Variants in EXT2 observed in about 807,000 individuals in gnomAD.
The protein encoded by EXT2 is exostosin-2.
In EXT2, 53 loss-of-function variants were observed where a neutral mutation model predicts 81.6. The observed-to-expected ratio is 0.65, with a 90% CI of 0.52 to 0.82. EXT2 has a LOEUF of 0.82. Among genes scored for constraint, EXT2 ranks in the 40% least tolerant of loss-of-function variants. EXT2 has a pLI of 0.00. For missense variants in EXT2, 774 were observed against 910.2 expected (o/e 0.85, Z 1.93); for synonymous variants, 320 against 340.0 (o/e 0.94, Z 0.65).
intron 3 of EXT2, among the ~76,000 whole-genome samples, chr11:44,110,479 T>G (rs1194378079): frequency 1.3e-5 from 2 of 152,180 alleles, no homozygotes; most frequent in Non-Finnish European, 2.9e-5. Context: ...AGAGAAGGTG[T>G]GCCTGTTCCT....
intron 4 of EXT2, among the ~76,000 whole-genome samples, chr11:44,121,978 C>G (rs1175661443): frequency 1.3e-5 from 2 of 152,146 alleles, no homozygotes; most frequent in African/African-American, 4.8e-5. Context: ...CTTCCCCACC[C>G]GACCATGCAG....
At chr11:44,188,624 A>C (rs1280051756) in intron 8 of EXT2, among the ~76,000 whole-genome samples, 1 of 152,222 alleles carries the variant, frequency 6.6e-6, no homozygotes, top group Non-Finnish European at 1.5e-5. Flanking sequence ...GTCTGAGGAC[A>C]ATTAGCAGCT....
At chr11:44,118,505 A>G (rs1954255186) in intron 4 of EXT2, among the ~76,000 whole-genome samples, 1 of 152,192 alleles carries the variant, frequency 6.6e-6, no homozygotes, top group Admixed American at 6.5e-5. Context: ...ACTGCTTTAT[A>G]TGATTTACAT....
chr11:44,099,660 T>A (rs1195997217), intron 1 of EXT2, among the ~76,000 whole-genome samples: 1 of 152,166 alleles, frequency 6.6e-6, no homozygotes, highest in Non-Finnish European at 1.5e-5. Context: ...ATGCTAGGAA[T>A]ACTGAGCAGA....
chr11:44,116,251 A>G (rs1031297575), intron 4 of EXT2: 3 of 152,188 alleles, frequency 2.0e-5, no homozygotes, highest in Non-Finnish European at 4.4e-5. Flanking sequence ...GACATTTCCT[A>G]TCAACATAAT....
intron 7 of EXT2, among the ~76,000 whole-genome samples, chr11:44,131,442 T>C (rs1443307991): frequency 6.6e-6 from 1 of 152,182 alleles, no homozygotes; most frequent in Non-Finnish European, 1.5e-5. Flanking sequence ...TACCCTTAGG[T>C]AAGGATCTGC....
At chr11:44,202,551 G>A (rs1314923415) in intron 9 of EXT2, among the ~76,000 whole-genome samples, 1 of 152,218 alleles carries the variant, frequency 6.6e-6, no homozygotes, top group Non-Finnish European at 1.5e-5. Flanking sequence ...GCCTGGGCCA[G>A]GGGTATACCA....
At chr11:44,147,280 A>G (rs535625251) in intron 7 of EXT2, among the ~76,000 whole-genome samples, 28 of 152,226 alleles carry the variant, frequency 1.8e-4, no homozygotes, top group Non-Finnish European at 3.8e-4. Flanking sequence ...CTTGGCCCAG[A>G]TAAAGTCATG....
At chr11:44,141,301 A>G (rs1421393150) in intron 7 of EXT2, among the ~76,000 whole-genome samples, 1 of 152,238 alleles carries the variant, frequency 6.6e-6, no homozygotes, top group African/African-American at 2.4e-5. Context: ...TGTTCAGTAC[A>G]GGCACAGTTT....
In EXT2 at chr11:44,130,104, T is replaced by A; in HGVS notation, c.1139T>A (p.Ile380Asn). 4 of 1,613,980 alleles carry A rather than the reference T, an allele frequency of 2.5e-6. No homozygotes were observed. The highest frequency in any genetic ancestry group is 3.4e-6 in the Non-Finnish European group (4 of 1,179,994). ...GATGTGTACAGTATTTTGCAGAGCA[T>A]CCCCCAAAGACAGATTGAAGAAATG... ...MSDVYSILQS[I>N]PQRQIEEMQR... Residue 380 changes from isoleucine (I) to asparagine (N), a missense_variant, in exon 7 of 14, where the codon ATC (isoleucine) becomes AAC (asparagine). Ile to Asn is a moderately radical substitution (Grantham distance 149, BLOSUM62 -3). Around this residue, in one of 2 missense-constraint regions of EXT2, gnomAD observed 626 missense variants for 670.5 expected, o/e 0.93. Coordinates refer to ENST00000533608, the MANE Select transcript of EXT2 (RefSeq NM_207122.2).
chr11:44,240,883 T>A (rs1956029127), intron 13 of EXT2, among the ~76,000 whole-genome samples: 1 of 152,230 alleles, frequency 6.6e-6, no homozygotes, highest in African/African-American at 2.4e-5. Flanking sequence ...TCCCCCTGTC[T>A]TTGGCTGGTC....
At chr11:44,173,967 T>C (rs1225963779) in intron 8 of EXT2, among the ~76,000 whole-genome samples, 1 of 152,236 alleles carries the variant, frequency 6.6e-6, no homozygotes, top group Non-Finnish European at 1.5e-5. Flanking sequence ...AAGAAATTGC[T>C]TGAAGAAAAT....
intron 8 of EXT2, among the ~76,000 whole-genome samples, chr11:44,196,305 T>C (rs1955455479): frequency 6.6e-6 from 1 of 152,232 alleles, no homozygotes. Flanking sequence ...TTTTGTTTTT[T>C]TATTTTTGTC....
intron 1 of EXT2, chr11:44,104,565 G>C (rs1224810417): frequency 6.6e-6 from 1 of 152,208 alleles, no homozygotes; most frequent in Non-Finnish European, 1.5e-5. Context: ...AGCCTCCAGT[G>C]GTGGGGCCAA....
Position 44,236,386 on chromosome 11 carries a change from C to T in EXT2, c.2018+11C>T. 6.2e-7 allele frequency: 1 copy of T among 1,613,270 alleles called. No individual in the cohort carries two copies. Among genetic ancestry groups the T allele is most frequent in the Middle Eastern group, 1.7e-4 (1 of 6,060 alleles). On this transcript the variant is annotated intron_variant, in intron 13 of 13. Transcript: ENST00000533608. ...ACACATGGTGGAGAGGTAAGTGAGC[C>T]TCCAACCAAAAGTGCGCCTTAGCCT... is the stretch of plus-strand genomic sequence containing the variant.
chr11:44,187,033 C>CCTTT (rs1955322997), intron 8 of EXT2, among the ~76,000 whole-genome samples: 1 of 147,052 alleles, frequency 6.8e-6, no homozygotes, highest in Non-Finnish European at 1.5e-5. Flanking sequence ...TTCCTTCCTT[C>CCTTT]CTTCCTTCCT....
At chr11:44,119,793 A>G (rs1012046636) in intron 4 of EXT2, among the ~76,000 whole-genome samples, 1 of 152,216 alleles carries the variant, frequency 6.6e-6, no homozygotes, top group African/African-American at 2.4e-5. Flanking sequence ...GCAGCCCCCA[A>G]CATCAAGAAA....
At position 44,248,425 on chromosome 11, in the gene EXT2, C is replaced by A. The variant is rs1046757344; in HGVS notation, c.*4138C>A. On this transcript the variant is annotated 3_prime_UTR_variant, in exon 14 of 14. Coordinates refer to ENST00000533608, the MANE Select transcript of EXT2 (RefSeq NM_207122.2). The stretch of plus-strand genomic sequence containing the variant: ...TGGGGCCTGCCCCTACTCACCTCAC[C>A]CCTGAGCTCTGTCCAAGCCCTGGAC... Among the ~76,000 whole-genome samples the A allele has an allele frequency of 2.6e-5, 4 of 152,204 alleles. No individual in the cohort carries two copies. Among genetic ancestry groups the A allele is most frequent in the African/African-American group, 9.6e-5 (4 of 41,456 alleles).
intron 7 of EXT2, among the ~76,000 whole-genome samples, chr11:44,138,429 C>G (rs1182775303): frequency 6.6e-6 from 1 of 152,036 alleles, no homozygotes; most frequent in Non-Finnish European, 1.5e-5. Context: ...GAACCTAGGT[C>G]TCCTGACTCC....
Sources: allele counts gnomAD v4.1 joint callset (sites outside exome capture counted in the v4.1 genomes callset), GRCh38; gene constraint gnomAD v4.1.1; regional missense constraint gnomAD v4.1.1; transcripts MANE v1.5; gene names NCBI Gene and HGNC (gene_info 2026-07-23, HGNC 2026-07-21).